HBS1L: variants seen among roughly 807,000 people sequenced by gnomAD.
The protein encoded by HBS1L is HBS1-like protein.
A neutral mutation model predicts 88.9 loss-of-function variants in HBS1L; 55 were observed. The ratio of observed to expected loss-of-function variants is 0.62; its 90% CI spans 0.50 to 0.77. The LOEUF is 0.77. Ranked by LOEUF, HBS1L falls within the 30% of genes least tolerant of loss-of-function variation. The pLI is 0.00. For synonymous variants in HBS1L, 267 were observed against 288.5 expected (o/e 0.93, Z 0.76); for missense variants, 741 against 829.3 (o/e 0.89, Z 1.31).
chr6:135,026,598 G>A (rs1776233035), intron 4 of HBS1L, among the ~76,000 whole-genome samples: 1 of 151,974 alleles, frequency 6.6e-6, no homozygotes, highest in South Asian at 2.1e-4. Flanking sequence ...TACAAGTACA[G>A]GAGATACAAC....
intron 4 of HBS1L, among the ~76,000 whole-genome samples, chr6:135,028,509 C>A (rs1036696197): frequency 6.6e-6 from 1 of 152,096 alleles, no homozygotes; most frequent in Non-Finnish European, 1.5e-5. Flanking sequence ...TAAAACAAAT[C>A]ATTTCAATGC....
intron 12 of HBS1L, among the ~76,000 whole-genome samples, chr6:134,984,640 TTTTA>T: frequency 6.6e-6 from 1 of 152,250 alleles, no homozygotes; most frequent in South Asian, 2.1e-4. Flanking sequence ...TCTTATATCC[TTTTA>T]TTTATTGAGT....
chr6:134,970,161 C>T (rs1365797366), intron 15 of HBS1L, among the ~76,000 whole-genome samples: 1 of 152,080 alleles, frequency 6.6e-6, no homozygotes, highest in Non-Finnish European at 1.5e-5. Context: ...GAAGCGGAGT[C>T]TTGCTCTGCT....
At chr6:134,986,374 C>T (rs1774980025) in intron 10 of HBS1L, among the ~76,000 whole-genome samples, 191 bp from the exon 11 acceptor site, 1 of 152,080 alleles carries the variant, frequency 6.6e-6, no homozygotes. Context: ...GGGAAACTTG[C>T]AAATTTATTC....
At chr6:134,972,110 T>C (rs1347407831) in intron 15 of HBS1L, among the ~76,000 whole-genome samples, 1 of 152,220 alleles carries the variant, frequency 6.6e-6, no homozygotes, top group East Asian at 1.9e-4. Context: ...AGTTCTAACA[T>C]TTCTGAATTC....
intron 13 of HBS1L, among the ~76,000 whole-genome samples, chr6:134,981,995 T>G (rs757914011): frequency 6.6e-6 from 1 of 152,062 alleles, no homozygotes; most frequent in African/African-American, 2.4e-5. Context: ...CTATAAAATA[T>G]ACCTACATTT....
chr6:135,040,351 T>C (rs1776694563), intron 3 of HBS1L, among the ~76,000 whole-genome samples: 1 of 58,666 alleles, frequency 1.7e-5, no homozygotes, highest in South Asian at 5.0e-4. Context: ...ATTCTTTTTT[T>C]TTTTTTTTTT....
intron 4 of HBS1L, chr6:135,035,809 G>C (rs1298848215): frequency 8.3e-6 from 2 of 240,234 alleles, no homozygotes; most frequent in Non-Finnish European, 1.2e-5. Context: ...AGCAGCAGAA[G>C]CTAAAGAGAT....
chr6:135,008,196 ATAAT>A (rs1338578583), intron 4 of HBS1L, among the ~76,000 whole-genome samples: 2 of 152,248 alleles, frequency 1.3e-5, no homozygotes, highest in African/African-American at 4.8e-5. Context: ...TCATATATTC[ATAAT>A]TAGTGTTCAG....
chr6:135,054,627 C>A, intron 1 of HBS1L, 22 bp downstream of exon 1: 1 of 1,613,838 alleles, frequency 6.2e-7, no homozygotes. Flanking sequence ...AAAGAACGTC[C>A]CGGCATGACC....
intron 2 of HBS1L, among the ~76,000 whole-genome samples, chr6:135,044,731 A>C (rs1321606770): frequency 6.6e-6 from 1 of 152,162 alleles, no homozygotes; most frequent in Non-Finnish European, 1.5e-5. Context: ...AATAAACTGT[A>C]TTCAGTTTCG....
In HBS1L at chr6:134,963,277, A is replaced by G. The variant is rs1032663927; in HGVS notation, c.*2002T>C. On this transcript the variant is annotated 3_prime_UTR_variant, in exon 18 of 18. Transcript: ENST00000367837. ...GGGAAGTATTAATAAATAAAATTCAATCATAGTCAATGATGAGATGTTTCT... is the reference window on the plus strand; with the variant it reads ...GGGAAGTATTAATAAATAAAATTCAGTCATAGTCAATGATGAGATGTTTCT... 6.6e-6 allele frequency: 1 copy of G among 152,192 alleles called. No individual in the cohort carries two copies. Among genetic ancestry groups the G allele is most frequent in the Admixed American group, 6.5e-5 (1 of 15,278 alleles). 9.4% of individuals were successfully genotyped at this position (152,192 alleles called of 1,614,324 possible).
chr6:135,053,941 C>T lies in HBS1L; in HGVS notation c.43+708G>A, dbSNP rs1777163881. Among the ~76,000 whole-genome samples the T allele has an allele frequency of 2.0e-5, 3 of 152,050 alleles. No individual in the cohort carries two copies. The South Asian group carries it at 6.2e-4, about 32-fold the overall frequency. ...ATTTCATTTTTTAATATCAAAAAGT[C>T]CTTTCCTATACACTCTTTCCTCTAG... On this transcript the variant is annotated intron_variant, in intron 1 of 17. Coordinates refer to ENST00000367837, the MANE Select transcript of HBS1L (RefSeq NM_006620.4).
At position 135,040,265 on chromosome 6, in the gene HBS1L, T is replaced by C. The variant is rs1776689275; in HGVS notation, c.236-498A>G. 1.3e-5 allele frequency among the ~76,000 whole-genome samples: 2 copies of C among 150,282 alleles called. 1 individual carries two copies. Among genetic ancestry groups the C allele is most frequent in the South Asian group, 4.2e-4 (2 of 4,764 alleles). ...ACTAAAATAATCCTTAATGACTCTT[T>C]AAAAAACGGCAAGATAACATAATAT... On this transcript the variant is annotated intron_variant, in intron 3 of 17. Transcript: ENST00000367837.
chr6:134,979,860 T>G (rs745541388), intron 13 of HBS1L, among the ~76,000 whole-genome samples: 1 of 152,038 alleles, frequency 6.6e-6, no homozygotes, highest in African/African-American at 2.4e-5. Flanking sequence ...TAATGACTAG[T>G]TATATGAAAA....
Position 134,965,023 on chromosome 6 carries a change from A to C in HBS1L, c.*256T>G. ...ATTTTTGACACTTGCCATAAATCTTAGCAAAGTAAATCCATTTATTAACGT... is the reference window on the plus strand; with the variant it reads ...ATTTTTGACACTTGCCATAAATCTTCGCAAAGTAAATCCATTTATTAACGT... On this transcript the variant is annotated 3_prime_UTR_variant, in exon 18 of 18. Transcript: ENST00000367837. 1.9e-6 allele frequency: 1 copy of C among 517,738 alleles called. No individual in the cohort carries two copies. Among genetic ancestry groups the C allele is most frequent in the East Asian group, 3.5e-5 (1 of 28,878 alleles). The allele number at this position is 517,738 out of a possible 1,614,324, so 32.1% of individuals were successfully genotyped here.
chr6:135,026,056 A>C (rs535402856), intron 4 of HBS1L, among the ~76,000 whole-genome samples: 1 of 152,344 alleles, frequency 6.6e-6, no homozygotes, highest in African/African-American at 2.4e-5. Flanking sequence ...AAGAAAGAGT[A>C]ATGCTAAACT....
chr6:135,050,184 A>C (rs960536154), intron 2 of HBS1L, among the ~76,000 whole-genome samples: 3 of 152,248 alleles, frequency 2.0e-5, no homozygotes, highest in African/African-American at 7.2e-5. Flanking sequence ...GATAAACTAA[A>C]GTACTGTATA....
chr6:135,037,692 T>C (rs1776600342), intron 4 of HBS1L: 4 of 1,550,936 alleles, frequency 2.6e-6, no homozygotes, highest in African/African-American at 2.7e-5. Context: ...CTAGGTTCTT[T>C]GAAAGCAGAC....
Sources: gnomAD v4.1 joint callset for allele counts (sites outside exome capture counted in the v4.1 genomes callset) on GRCh38, gnomAD v4.1.1 for gene constraint, MANE v1.5 for transcripts, NCBI Gene and HGNC (gene_info 2026-07-23, HGNC 2026-07-21) for gene names.